The following PSPC1 variants were observed in gnomAD, a reference collection of about 807,000 sequenced individuals.
PSPC1 encodes paraspeckle protein 1.
In PSPC1, 14 loss-of-function variants were observed where a neutral mutation model predicts 51.6. The observed-to-expected ratio is 0.27, with a 90% confidence interval of 0.18 to 0.42. The LOEUF (loss-of-function observed/expected upper bound fraction) is 0.42. PSPC1 is among the 10% of genes least tolerant of loss of function. The pLI is 1.00. For missense variants in PSPC1, 406 were observed against 701.1 expected (o/e 0.58, Z 4.75); for synonymous variants, 193 against 231.9 (o/e 0.83, Z 1.53).
At chr13:19,677,052 G>C (rs1407482451) in intron 7 of PSPC1, among the ~76,000 whole-genome samples, 2 of 152,046 alleles carry the variant, frequency 1.3e-5, no homozygotes, top group East Asian at 1.9e-4. Context: ...GGCTAACACA[G>C]TGAAACCCCG....
chr13:19,691,373 T>C (rs1457142793), intron 6 of PSPC1, among the ~76,000 whole-genome samples: 1 of 151,782 alleles, frequency 6.6e-6, no homozygotes, highest in East Asian at 2.0e-4. Context: ...TATAACTTTT[T>C]TTTTAAAAAG....
intron 1 of PSPC1, among the ~76,000 whole-genome samples, chr13:19,780,262 TG>T (rs1889800363): frequency 7.0e-6 from 1 of 141,854 alleles, no homozygotes; most frequent in Admixed American, 6.9e-5. Context: ...CCGCCCCTAC[TG>T]GGAAGTGAGG....
At chr13:19,773,810 G>T (rs1353233472) in intron 1 of PSPC1, among the ~76,000 whole-genome samples, 1 of 151,870 alleles carries the variant, frequency 6.6e-6, no homozygotes, top group Non-Finnish European at 1.5e-5. Flanking sequence ...ATGCCACCAA[G>T]CATGGCTAAT....
intron 4 of PSPC1, among the ~76,000 whole-genome samples, chr13:19,747,438 C>T (rs1285137238): frequency 6.6e-6 from 1 of 152,012 alleles, no homozygotes; most frequent in African/African-American, 2.4e-5. Flanking sequence ...CTCAAGTGAT[C>T]CTCCCACCTA....
At chr13:19,774,368 T>C (rs757273482) in intron 1 of PSPC1, among the ~76,000 whole-genome samples, 63 of 152,206 alleles carry the variant, frequency 4.1e-4, no homozygotes, top group Non-Finnish European at 2.8e-4. Context: ...ATCCCTAAAA[T>C]GTTCATGACA....
intron 4 of PSPC1, among the ~76,000 whole-genome samples, chr13:19,742,094 T>C (rs1308044838): frequency 6.6e-6 from 1 of 151,944 alleles, no homozygotes; most frequent in East Asian, 1.9e-4. Flanking sequence ...ATTGTGCCAC[T>C]GCACTCCAGC....
chr13:19,680,620 C>A lies in PSPC1; in HGVS notation c.1159-2797G>T, dbSNP rs370276928. On this transcript the variant is annotated intron_variant and NMD_transcript_variant, in intron 6 of 7. Transcript: ENST00000471658. Reference sequence around the variant, plus strand: ...GATACTGCCTAATATGAAAAAAAAACCAATAATCAAATTAAAAGAAAAGGT... The same window carrying A: ...GATACTGCCTAATATGAAAAAAAAAACAATAATCAAATTAAAAGAAAAGGT... 1.5e-3 allele frequency among the ~76,000 whole-genome samples: 227 copies of A among 151,932 alleles called. 3 individuals carry two copies. Among genetic ancestry groups the A allele is most frequent in the African/African-American group, 4.8e-3 (197 of 41,436 alleles).
intron 6 of PSPC1, chr13:19,677,852 C>T: frequency 2.1e-6 from 1 of 473,942 alleles, no homozygotes; most frequent in Non-Finnish European, 4.3e-6. Flanking sequence ...CAGATTCAGC[C>T]TTTTTAAGAA....
At chr13:19,702,064 A>T (rs576781657), downstream of PSPC1, among the ~76,000 whole-genome samples, 1 of 151,790 alleles carries the variant, frequency 6.6e-6, no homozygotes, top group Non-Finnish European at 1.5e-5. Flanking sequence ...TCAAGTAATT[A>T]TCTGCTTTTT....
rs1342892613 is a variant in PSPC1 at position 19,782,249 on chromosome 13, G to A, written c.372+137C>T. On this transcript the variant is annotated intron_variant, in intron 1 of 8. Transcript: ENST00000338910. The surrounding 1 kb of genome is among the most constrained non-coding windows in gnomAD (Gnocchi z 4.5). Reference sequence around the variant, plus strand: ...GGGGAAGCGGCCAACCCCGCACAGAGGAATCGATGAGGCCGAGCGGCGCCA... The same window carrying A: ...GGGGAAGCGGCCAACCCCGCACAGAAGAATCGATGAGGCCGAGCGGCGCCA... 3.0e-6 allele frequency: 4 copies of A among 1,339,252 alleles called. No individual in the cohort carries two copies. The highest frequency in any genetic ancestry group is 2.7e-5 in the Admixed American group (1 of 37,112). 83.0% of individuals were successfully genotyped at this position (1,339,252 alleles called of 1,614,324 possible). A position where few individuals can be genotyped will look rare whatever the true frequency, so the allele number is the denominator to read the frequency against.
chr13:19,721,032 C>CACAA lies in PSPC1; in HGVS notation c.1158+9206_1158+9207insTTGT, dbSNP rs35991371. 4.6e-3 allele frequency among the ~76,000 whole-genome samples: 698 copies of CACAA among 151,668 alleles called. 5 individuals carry two copies. The highest frequency in any genetic ancestry group is 0.027 in the South Asian group (132 of 4,820). ...TCACTAGTTGTTACTTAATACTGAA[C>CACAA]ATAGACATTATAATTTTTTAGTTTT... On this transcript the variant is annotated intron_variant, in intron 6 of 8. Coordinates refer to ENST00000338910, the MANE Select transcript of PSPC1 (RefSeq NM_001354909.2).
chr13:19,685,104 G>A (rs927264439), intron 6 of PSPC1, among the ~76,000 whole-genome samples: 3 of 152,208 alleles, frequency 2.0e-5, no homozygotes, highest in East Asian at 3.8e-4. Flanking sequence ...AAGGAAAGCC[G>A]TAACATGTAG....
intron 7 of PSPC1, among the ~76,000 whole-genome samples, chr13:19,707,092 C>T (rs1880779438): frequency 6.6e-6 from 1 of 151,980 alleles, no homozygotes; most frequent in African/African-American, 2.4e-5. Context: ...CTCAACAATC[C>T]CCCAGAAAAC....
chr13:19,781,823 T>C (rs1242518020), intron 1 of PSPC1, among the ~76,000 whole-genome samples: 2 of 152,216 alleles, frequency 1.3e-5, no homozygotes, highest in East Asian at 3.8e-4. Flanking sequence ...TGGTCTACCC[T>C]TAAACGCATA....
At chr13:19,756,658 C>G (rs191689369) in intron 3 of PSPC1, among the ~76,000 whole-genome samples, 1 of 151,980 alleles carries the variant, frequency 6.6e-6, no homozygotes, top group African/African-American at 2.4e-5. Flanking sequence ...TGCCACCACA[C>G]CCGGCTGATT....
chr13:19,736,493 C>A (rs941647525), intron 5 of PSPC1, among the ~76,000 whole-genome samples: 7 of 151,918 alleles, frequency 4.6e-5, no homozygotes, highest in South Asian at 2.1e-4. Flanking sequence ...ACCATCCTGG[C>A]TAACACAGTG....
downstream of PSPC1, chr13:19,673,330 A>T (rs1180077811): frequency 9.3e-5 from 28 of 299,938 alleles, no homozygotes; most frequent in Non-Finnish European, 1.5e-4. Flanking sequence ...ATACGATTTT[A>T]ATGAAAACTT....
At chr13:19,693,613 T>C (rs1878824870) in intron 6 of PSPC1, among the ~76,000 whole-genome samples, 1 of 152,138 alleles carries the variant, frequency 6.6e-6, no homozygotes, top group South Asian at 2.1e-4. Context: ...GACCAAACCT[T>C]TTCAGGACTT....
Position 19,705,900 on chromosome 13 carries a change from T to C in PSPC1, c.1217-69A>G, listed in dbSNP as rs1880593792. 5.9e-6 allele frequency: 8 copies of C among 1,363,294 alleles called. 1 individual carries two copies. In the Middle Eastern group the frequency reaches 9.4e-4, roughly 161 times the overall value. 84.4% of individuals were successfully genotyped at this position (1,363,294 alleles called of 1,614,324 possible). ...AGTAAACATTAACAATTTAACAATA[T>C]TTATGCAATCTATATACCAAGACCA... On this transcript the variant is annotated intron_variant, in intron 7 of 8. Transcript: ENST00000338910.
Sources: gnomAD v4.1 joint callset for allele counts (sites outside exome capture counted in the v4.1 genomes callset) on GRCh38, gnomAD v4.1.1 for gene constraint, Gnocchi (gnomAD v3.1) non-coding constraint, MANE v1.5 for transcripts, NCBI Gene and HGNC (gene_info 2026-07-23, HGNC 2026-07-21) for gene names.